Variants in MDGA2 observed in about 807,000 individuals in gnomAD.
The protein encoded by MDGA2 is MAM domain containing glycosylphosphatidylinositol anchor 2, also known as MAM domain-containing glycosylphosphatidylinositol anchor protein 2.
In MDGA2, 40 loss-of-function variants were observed where a neutral mutation model predicts 117.8. That is an observed-to-expected ratio of 0.34 (90% CI 0.26 to 0.44). MDGA2 has a LOEUF of 0.44. Ranked by LOEUF, MDGA2 falls within the 20% of genes least tolerant of loss-of-function variation. The pLI, the probability that MDGA2 is intolerant of heterozygous loss-of-function variation, is 1.00. For synonymous variants in MDGA2, 452 were observed against 439.0 expected, an observed-to-expected ratio of 1.03 and a Z score of -0.37; for missense variants, 1,123 against 1,250.6, an observed-to-expected ratio of 0.90 and a Z score of 1.54.
chr14:47,485,839 G>C (rs930754357), intron 1 of MDGA2, among the ~76,000 whole-genome samples: 1 of 152,160 alleles, frequency 6.6e-6, no homozygotes, highest in Non-Finnish European at 1.5e-5. Context: ...TCAAAAATTT[G>C]GGTTTGGAAA....
intron 14 of MDGA2, among the ~76,000 whole-genome samples, chr14:46,864,555 T>TG (rs1881657018): frequency 2.4e-5 from 1 of 42,466 alleles, no homozygotes; most frequent in Non-Finnish European, 4.4e-5. Context: ...GTTTTTTTTT[T>TG]TTTTTTTTTT....
intron 5 of MDGA2, among the ~76,000 whole-genome samples, chr14:47,100,583 G>A (rs1482878523): frequency 1.3e-5 from 2 of 152,080 alleles, no homozygotes; most frequent in Non-Finnish European, 2.9e-5. Flanking sequence ...ATGTGAGATA[G>A]ATTATTAGTT....
At chr14:47,493,701 A>G (rs933702812) in intron 1 of MDGA2, among the ~76,000 whole-genome samples, 5 of 152,180 alleles carry the variant, frequency 3.3e-5, no homozygotes, top group East Asian at 1.9e-4. Context: ...TTAAAATTCC[A>G]CTTTGGAGTA....
intron 1 of MDGA2, among the ~76,000 whole-genome samples, chr14:47,540,563 T>TATATATATATATATATATACACAC (rs370481455): frequency 3.0e-4 from 34 of 112,472 alleles, no homozygotes; most frequent in East Asian, 1.2e-3. Flanking sequence ...TGTATATATA[T>TATATATATATATATATATACACAC]ACACACACAC....
At position 46,969,637 on chromosome 14, in the gene MDGA2, A is replaced by ATTCTGGATATTAGCCCTTTGTCAGATC. The variant is rs1482060361; in HGVS notation, c.1820-11995_1820-11994insGATCTGACAAAGGGCTAATATCCAGAA. Among the ~76,000 whole-genome samples, 907 of 151,870 alleles carry ATTCTGGATATTAGCCCTTTGTCAGATC rather than the reference A, an allele frequency of 6.0e-3. 3 individuals are homozygous for ATTCTGGATATTAGCCCTTTGTCAGATC. Among genetic ancestry groups the ATTCTGGATATTAGCCCTTTGTCAGATC allele is most frequent in the Non-Finnish European group, 8.2e-3 (560 of 67,962 alleles). On this transcript the variant is annotated intron_variant, in intron 8 of 16. Coordinates refer to ENST00000399232, the MANE Select transcript of MDGA2 (RefSeq NM_001113498.3). ...GTAAATTTGTTTGAGTTCATTGTAG[A>ATTCTGGATATTAGCCCTTTGTCAGATC]TTCTGGATATTAGCCCTTTGTCAGA...
chr14:47,663,363 T>C (rs1897885624), intron 1 of MDGA2, among the ~76,000 whole-genome samples: 1 of 152,208 alleles, frequency 6.6e-6, no homozygotes, highest in Non-Finnish European at 1.5e-5. Context: ...TTGCCTTCTA[T>C]GTGGTTAAAG....
intron 1 of MDGA2, among the ~76,000 whole-genome samples, chr14:47,575,279 C>A (rs2138829405): frequency 6.6e-6 from 1 of 152,246 alleles, no homozygotes; most frequent in Non-Finnish European, 1.5e-5. Flanking sequence ...AGAGTAATTT[C>A]CTTTTAAATA....
chr14:47,646,182 T>G (rs1368409785), intron 1 of MDGA2, among the ~76,000 whole-genome samples: 1 of 151,758 alleles, frequency 6.6e-6, no homozygotes, highest in East Asian at 1.9e-4. Context: ...AAGATATAAA[T>G]ATATACAATA....
intron 8 of MDGA2, among the ~76,000 whole-genome samples, chr14:47,033,958 T>A (rs1005156307): frequency 1.3e-5 from 2 of 152,236 alleles, no homozygotes; most frequent in Non-Finnish European, 2.9e-5. Flanking sequence ...ATAGACATTC[T>A]TGGACTAAAT....
chr14:47,566,283 C>T (rs1895917868), intron 1 of MDGA2, among the ~76,000 whole-genome samples: 1 of 152,166 alleles, frequency 6.6e-6, no homozygotes, highest in Non-Finnish European at 1.5e-5. Context: ...CCTTGAAAGG[C>T]ACCTCAATTG....
At chr14:47,330,681 A>G (rs1890268378) in intron 1 of MDGA2, among the ~76,000 whole-genome samples, 1 of 151,854 alleles carries the variant, frequency 6.6e-6, no homozygotes, top group African/African-American at 2.4e-5. Context: ...AAGCTATATC[A>G]TAATGATTCT....
At chr14:47,106,301 C>T (rs1297201425) in intron 5 of MDGA2, among the ~76,000 whole-genome samples, 1 of 152,112 alleles carries the variant, frequency 6.6e-6, no homozygotes, top group Non-Finnish European at 1.5e-5. Context: ...ATTAACCTCG[C>T]CTTCAAGGTG....
At chr14:47,165,815 A>G (rs1396401267) in intron 3 of MDGA2, among the ~76,000 whole-genome samples, 1 of 152,176 alleles carries the variant, frequency 6.6e-6, no homozygotes, top group Admixed American at 6.5e-5. Flanking sequence ...TCATACATAG[A>G]TATTTTTGGC....
intron 1 of MDGA2, among the ~76,000 whole-genome samples, chr14:47,576,916 TTTTG>T (rs1896126738): frequency 6.6e-6 from 1 of 152,044 alleles, no homozygotes; most frequent in Admixed American, 6.6e-5. Flanking sequence ...ACCCCCCTAA[TTTTG>T]TTTATTTTTT....
chr14:47,526,455 T>C (rs184981335), intron 1 of MDGA2, among the ~76,000 whole-genome samples: 1 of 152,310 alleles, frequency 6.6e-6, no homozygotes, highest in Non-Finnish European at 1.5e-5. Context: ...TGGATCATAG[T>C]ACTTTTGGGA....
intron 10 of MDGA2, among the ~76,000 whole-genome samples, chr14:46,896,916 G>A (rs1883098597): frequency 6.6e-6 from 1 of 152,098 alleles, no homozygotes; most frequent in Admixed American, 6.5e-5. Flanking sequence ...CCTAGTCCTG[G>A]CCAATGACAT....
At chr14:47,370,492 TTTTTTTGTGTG>T in intron 1 of MDGA2, among the ~76,000 whole-genome samples, 1 of 100,672 alleles carries the variant, frequency 9.9e-6, no homozygotes, top group South Asian at 3.6e-4. Context: ...TTTTTTTTTT[TTTTTTTGTGTG>T]TGTGTGTGTG....
intron 7 of MDGA2, among the ~76,000 whole-genome samples, chr14:47,047,097 C>T (rs564854195): frequency 3.9e-5 from 6 of 152,180 alleles, no homozygotes; most frequent in South Asian, 4.2e-4. Context: ...TCAAGAATTA[C>T]ACTATATATT....
At chr14:47,185,292 A>G (rs910322620) in intron 3 of MDGA2, among the ~76,000 whole-genome samples, 1 of 151,416 alleles carries the variant, frequency 6.6e-6, no homozygotes, top group Admixed American at 6.6e-5. Context: ...CAGAATAATT[A>G]TTCTGGAAAA....
Sources: gnomAD v4.1 joint callset for allele counts (sites outside exome capture counted in the v4.1 genomes callset) on GRCh38, gnomAD v4.1.1 for gene constraint, MANE v1.5 for transcripts, NCBI Gene and HGNC (gene_info 2026-07-23, HGNC 2026-07-21) for gene names.